Variants in SHMT1 observed in about 807,000 individuals in gnomAD.
SHMT1 encodes the protein serine hydroxymethyltransferase, cytosolic.
Under a neutral mutation model 49.0 loss-of-function variants are expected in SHMT1, and 45 were observed. That is an observed-to-expected ratio of 0.92 (90% CI 0.72 to 1.18). The LOEUF is 1.18. SHMT1 is among the 50% of genes most tolerant of loss of function. SHMT1 has a pLI of 0.00. For synonymous variants in SHMT1, 232 were observed against 246.6 expected (o/e 0.94, Z 0.55); for missense variants, 541 against 612.4 (o/e 0.88, Z 1.23).
intron 3 of SHMT1, among the ~76,000 whole-genome samples, chr17:18,349,819 G>A (rs1446916929): frequency 6.6e-6 from 1 of 151,772 alleles, no homozygotes. Context: ...TCAGGAGTTC[G>A]AGACCAGCCT....
At chr17:18,343,446 T>C (rs1369063267) in intron 5 of SHMT1, among the ~76,000 whole-genome samples, 1 of 149,188 alleles carries the variant, frequency 6.7e-6, no homozygotes, top group East Asian at 2.0e-4. Context: ...CCACCTCTAC[T>C]AAAAACACAA....
At chr17:18,361,309 A>T (rs1986743514) in intron 1 of SHMT1, among the ~76,000 whole-genome samples, 1 of 149,702 alleles carries the variant, frequency 6.7e-6, no homozygotes, top group Admixed American at 6.7e-5. Flanking sequence ...AAAAAAAAAA[A>T]AAAAAACAAA....
chr17:18,340,368 A>G lies in SHMT1; in HGVS notation c.602-113T>C. On this transcript the variant is annotated intron_variant, in intron 6 of 11. Coordinates refer to ENST00000316694, the MANE Select transcript of SHMT1 (RefSeq NM_004169.5). The surrounding 1 kb of genome is among the most constrained non-coding windows in gnomAD (Gnocchi z 4.5). ...TGAAAGCCCAGAGATTTCTTCCCTT[A>G]AAGTCTCAGAGCAAAAATGGAGAAT... is the stretch of plus-strand genomic sequence containing the variant. 1 of 1,162,938 alleles carries G rather than the reference A, an allele frequency of 8.6e-7. No homozygotes were observed. Among genetic ancestry groups the G allele is most frequent in the Non-Finnish European group, 1.3e-6 (1 of 797,770 alleles). The allele number at this position is 1,162,938 out of a possible 1,614,324, so 72.0% of individuals were successfully genotyped here.
chr17:18,349,724 A>C (rs1423996319), intron 3 of SHMT1, among the ~76,000 whole-genome samples: 1 of 149,110 alleles, frequency 6.7e-6, no homozygotes, highest in Non-Finnish European at 1.5e-5. Flanking sequence ...AACTCTAAAA[A>C]AAATAAATAG....
At chr17:18,351,121 T>C (rs1424622955) in intron 3 of SHMT1, among the ~76,000 whole-genome samples, 1 of 151,900 alleles carries the variant, frequency 6.6e-6, no homozygotes, top group African/African-American at 2.4e-5. Flanking sequence ...AATGAAAACA[T>C]GTAATAATTA....
rs766206266 is a variant in SHMT1, at chr17:18,328,825, C to T, written c.1377G>A (p.Ala459=). The change falls in exon 12 of 12, where the codon GCG becomes GCA. Residue 459 remains alanine, a synonymous_variant. Coordinates refer to ENST00000316694, the MANE Select transcript of SHMT1 (RefSeq NM_004169.5). ...CCTCCTCCCGGAGAGCCTGCACGGC[C>T]GCCTGGTACTTATCCCCTGCCAGTC... The part of the protein sequence containing the change: ...KERLAGDKYQ[A]AVQALREEVE... 21 of 1,613,198 alleles carry T rather than the reference C, an allele frequency of 1.3e-5. No homozygotes were observed. Among genetic ancestry groups the T allele is most frequent in the African/African-American group, 6.7e-5 (5 of 74,908 alleles).
At chr17:18,337,554 C>T (rs1983927712) in intron 7 of SHMT1, among the ~76,000 whole-genome samples, 1 of 132,056 alleles carries the variant, frequency 7.6e-6, no homozygotes, top group Non-Finnish European at 1.5e-5. Flanking sequence ...CTCTCCCTCT[C>T]CCTCCCCCTC....
chr17:18,349,633 C>T (rs1027909202), intron 3 of SHMT1, among the ~76,000 whole-genome samples: 1 of 152,014 alleles, frequency 6.6e-6, no homozygotes, highest in African/African-American at 2.4e-5. Flanking sequence ...GTGGGAGGAT[C>T]ACTTGAACCC....
chr17:18,343,041 T>C (rs1160002071), intron 5 of SHMT1, among the ~76,000 whole-genome samples: 5 of 151,798 alleles, frequency 3.3e-5, no homozygotes, highest in African/African-American at 1.2e-4. Flanking sequence ...TGGCAGACAA[T>C]GGAGAGATAC....
At position 18,328,392 on chromosome 17, in the gene SHMT1, A is replaced by C; in HGVS notation, c.*358T>G. ...CTCTCTGTTGCAGCAAGGCGGAGGAAAGCCCAGGGAGAGTAAAACGCTACA... is the reference window on the plus strand; with the variant it reads ...CTCTCTGTTGCAGCAAGGCGGAGGACAGCCCAGGGAGAGTAAAACGCTACA... On this transcript the variant is annotated 3_prime_UTR_variant, in exon 12 of 12. Coordinates refer to ENST00000316694, the MANE Select transcript of SHMT1 (RefSeq NM_004169.5). 3.2e-6 allele frequency: 1 copy of C among 309,312 alleles called. No homozygotes were observed. The highest frequency in any genetic ancestry group is 3.0e-5 in the South Asian group (1 of 32,928). The allele number at this position is 309,312 out of a possible 1,614,324, so 19.2% of individuals were successfully genotyped here. A position where few individuals can be genotyped will look rare whatever the true frequency, so the allele number is the denominator to read the frequency against.
chr17:18,343,725 G>T (rs1984781072), intron 5 of SHMT1, among the ~76,000 whole-genome samples: 1 of 149,534 alleles, frequency 6.7e-6, no homozygotes, highest in Admixed American at 6.7e-5. Flanking sequence ...TTCAAGACCA[G>T]CCTGGGCAAC....
intron 9 of SHMT1, chr17:18,332,921 C>A: frequency 1.8e-6 from 1 of 566,354 alleles, no homozygotes; most frequent in Admixed American, 2.3e-5. Context: ...GACAAGCAGT[C>A]CTTATGCTGG....
rs1984380849 is a variant in SHMT1 at position 18,340,517 on chromosome 17, GAGAA to G, written c.601+211_601+214del. Reference sequence around the variant, plus strand: ...GCCTGACATTTCTAGATGCTTCTCTGAGAACAGTCTCACATCTTAATCTACATAG... The same window carrying G: ...GCCTGACATTTCTAGATGCTTCTCTGCAGTCTCACATCTTAATCTACATAG... On this transcript the variant is annotated intron_variant, in intron 6 of 11. Transcript: ENST00000316694. This position sits in a 1 kb window ranked among gnomAD's most constrained non-coding sequence, Gnocchi z 4.5. The G allele has an allele frequency of 1.5e-6, 1 of 678,366 alleles. No individual in the cohort carries two copies. The highest frequency in any genetic ancestry group is 1.8e-5 in the African/African-American group (1 of 56,300). The allele number at this position is 678,366 out of a possible 1,614,324, so 42.0% of individuals were successfully genotyped here. A position where few individuals can be genotyped will look rare whatever the true frequency, so the allele number is the denominator to read the frequency against.
At chr17:18,355,684 A>G (rs1986176049) in intron 2 of SHMT1, among the ~76,000 whole-genome samples, 1 of 152,220 alleles carries the variant, frequency 6.6e-6, no homozygotes, top group Admixed American at 6.5e-5. Context: ...AGCACCCTGC[A>G]CAGTGCTCCA....
At chr17:18,331,736 G>A (rs934063376) in intron 9 of SHMT1, 4 of 152,226 alleles carry the variant, frequency 2.6e-5, no homozygotes, top group African/African-American at 9.7e-5. Flanking sequence ...CCCCAGGGGT[G>A]GTGTGCACAT....
chr17:18,340,207 A>G lies in SHMT1; in HGVS notation c.650T>C (p.Ile217Thr), dbSNP rs1335035506. 8 of 1,614,124 alleles carry G rather than the reference A, an allele frequency of 5.0e-6. No individual in the cohort carries two copies. Among genetic ancestry groups the G allele is most frequent in the African/African-American group, 4.0e-5 (3 of 74,944 alleles). ...RNLEYARLRK[I>T]ADENGAYLMA... ...GAGATACGCCCCGTTCTCATCTGCA[A>G]TCTTCCGTAGCCGGGCATATTCCAG... Residue 217 changes from isoleucine to threonine, a missense_variant, in exon 7 of 12, where the codon ATT (isoleucine) becomes ACT (threonine). Physicochemically the swap from Ile to Thr is moderately conservative, Grantham distance 89. Transcript: ENST00000316694. The surrounding 1 kb of genome is among the most constrained non-coding windows in gnomAD (Gnocchi z 4.5).
At chr17:18,334,230 C>A (rs1041020519) in intron 8 of SHMT1, among the ~76,000 whole-genome samples, 1 of 152,192 alleles carries the variant, frequency 6.6e-6, no homozygotes, top group Non-Finnish European at 1.5e-5. Context: ...GCGTGAGCCA[C>A]TGCGCCTGGC....
intron 3 of SHMT1, among the ~76,000 whole-genome samples, chr17:18,349,313 G>A (rs79959344): frequency 0.11 from 16,603 of 152,056 alleles, 1,012 homozygotes; most frequent in South Asian, 0.18. Flanking sequence ...CCAGCTGCTC[G>A]GGAGGCTGAG....
At position 18,363,361 on chromosome 17, in the gene SHMT1, C is replaced by G. The variant is rs1986948954; in HGVS notation, c.-20+11G>C. On this transcript the variant is annotated intron_variant, in intron 1 of 11. Coordinates refer to ENST00000316694, the MANE Select transcript of SHMT1 (RefSeq NM_004169.5). The stretch of plus-strand genomic sequence containing the variant: ...GCCGCCCACCTACCGGAACACGGCC[C>G]GCGCACGTACCTAGCGACGCCTCCG... 1 of 152,568 alleles carries G rather than the reference C, an allele frequency of 6.6e-6. No homozygotes were observed. Among genetic ancestry groups the G allele is most frequent in the Non-Finnish European group, 1.5e-5 (1 of 68,222 alleles). 9.5% of individuals were successfully genotyped at this position (152,568 alleles called of 1,614,324 possible).
Sources: allele counts gnomAD v4.1 joint callset (sites outside exome capture counted in the v4.1 genomes callset), GRCh38; gene constraint gnomAD v4.1.1; non-coding constraint Gnocchi (gnomAD v3.1); transcripts MANE v1.5; gene names NCBI Gene and HGNC (gene_info 2026-07-23, HGNC 2026-07-21).